The following IGSF10 variants were observed in gnomAD, a reference collection of about 807,000 sequenced individuals.
The protein encoded by IGSF10 is immunoglobulin superfamily member 10.
A neutral mutation model predicts 128.2 loss-of-function variants in IGSF10; 126 were observed. That is an observed-to-expected ratio of 0.98 (90% CI 0.85 to 1.14). The LOEUF is 1.14. IGSF10 is among the 50% of genes most tolerant of loss of function. IGSF10 has a pLI of 0.00. For synonymous variants in IGSF10, 1,185 were observed against 1,146.2 expected (o/e 1.03, Z -0.68); for missense variants, 3,295 against 3,149.8 (o/e 1.05, Z -1.10).
chr3:151,560,684 A>G, the IGSF10 span, among the ~76,000 whole-genome samples: 3,887 of 140,668 alleles, frequency 0.028, 103 homozygotes, highest in East Asian at 0.14. Flanking sequence ...GATCTATAAC[A>G]AATTATGCAT....
At chr3:151,451,149 G>A (rs578216856) in intron 5 of IGSF10, among the ~76,000 whole-genome samples, 9 of 152,060 alleles carry the variant, frequency 5.9e-5, no homozygotes, top group Non-Finnish European at 8.8e-5. Flanking sequence ...CCATTCCCTC[G>A]GTTCCAGCCC....
At chr3:151,484,723 A>G in the IGSF10 span, among the ~76,000 whole-genome samples, 1 of 93,024 alleles carries the variant, frequency 1.1e-5, no homozygotes, top group East Asian at 3.5e-4. Context: ...TTAGAAGGAA[A>G]ACTGACAAAA....
intron 5 of IGSF10, among the ~76,000 whole-genome samples, chr3:151,450,532 A>C (rs911827608): frequency 1.3e-5 from 2 of 152,162 alleles, no homozygotes; most frequent in Admixed American, 6.5e-5. Flanking sequence ...GGCATTCTTC[A>C]GCAAATTTTA....
chr3:151,445,112 C>T lies in IGSF10; in HGVS notation c.4869G>A (p.Lys1623=), dbSNP rs1195825498. 1 of 1,614,136 alleles carries T rather than the reference C, an allele frequency of 6.2e-7. No homozygotes were observed. The change falls in exon 6 of 8, where the codon AAG becomes AAA. Residue 1623 remains lysine (K), a synonymous_variant. Coordinates refer to ENST00000282466, the MANE Select transcript of IGSF10 (RefSeq NM_178822.5). ...AAGTTGTTGCTTCTTGAACTGGTTT[C>T]TTATCAAAGTCACTCTTCTTTGTGT... ...QKNTKKSDFD[K]KPVQEATTSK... is the part of the protein sequence containing the mutation.
the IGSF10 span, among the ~76,000 whole-genome samples, chr3:151,472,847 A>C: frequency 3.3e-5 from 5 of 152,194 alleles, no homozygotes; most frequent in African/African-American, 9.7e-5. Flanking sequence ...AAACAATATC[A>C]GAGGAAGACT....
At chr3:151,465,215 C>A (rs981130948), upstream of IGSF10, among the ~76,000 whole-genome samples, 2 of 152,190 alleles carry the variant, frequency 1.3e-5, no homozygotes, top group African/African-American at 4.8e-5. Flanking sequence ...ATGAATCTCA[C>A]ATTTTTGTTA....
At chr3:151,439,147 C>G (rs1481548783) in intron 7 of IGSF10, among the ~76,000 whole-genome samples, 1 of 152,130 alleles carries the variant, frequency 6.6e-6, no homozygotes, top group African/African-American at 2.4e-5. Flanking sequence ...TATGGGAGTT[C>G]TAGACACCAT....
the IGSF10 span, among the ~76,000 whole-genome samples, chr3:151,537,850 G>A: frequency 1.3e-5 from 2 of 152,172 alleles, no homozygotes; most frequent in African/African-American, 2.4e-5. Flanking sequence ...AACCTCTCCT[G>A]TTTTCCATGG....
chr3:151,578,409 T>G, the IGSF10 span, among the ~76,000 whole-genome samples: 66 of 152,332 alleles, frequency 4.3e-4, 1 homozygote, highest in East Asian at 0.012. Context: ...TGTCATAAGT[T>G]TTCACTGAAA....
rs372867906 is a variant in IGSF10 at position 151,448,402 on chromosome 3, G to A, written c.1579C>T (p.Arg527Trp). ...TTTCCACTTTTGTCTATTAGGATCC[G>A]TCCATCCTCACTGACATAAGGGGCT... ...VRAPYVSEDGRILIDKSGKLE... is the reference protein window; with the variant it reads ...VRAPYVSEDGWILIDKSGKLE... The change falls in exon 6 of 8, where the codon CGG (arginine) becomes TGG (tryptophan). Residue 527 changes from arginine (R) to tryptophan (W), a missense_variant. Coordinates refer to ENST00000282466, the MANE Select transcript of IGSF10 (RefSeq NM_178822.5). 70 of 1,614,018 alleles carry A rather than the reference G, an allele frequency of 4.3e-5. No homozygotes were observed. Among genetic ancestry groups the A allele is most frequent in the East Asian group, 8.9e-5 (4 of 44,896 alleles).
intron 4 of IGSF10, among the ~76,000 whole-genome samples, chr3:151,453,996 T>C (rs1047688501): frequency 9.4e-5 from 14 of 148,714 alleles, no homozygotes; most frequent in Non-Finnish European, 2.1e-4. Flanking sequence ...GAATGAGATA[T>C]ATATATTTCT....
chr3:151,587,736 G>T, the IGSF10 span, among the ~76,000 whole-genome samples: 3 of 152,208 alleles, frequency 2.0e-5, no homozygotes, highest in Non-Finnish European at 4.4e-5. Context: ...CCAGTGGGAG[G>T]TGATTGAATT....
chr3:151,434,894 CTT>C (rs1173031527), downstream of IGSF10: 1 of 152,038 alleles, frequency 6.6e-6, no homozygotes, highest in Non-Finnish European at 1.5e-5. Flanking sequence ...TGGGGCATAT[CTT>C]TTTTCTTTTT....
intron 7 of IGSF10, among the ~76,000 whole-genome samples, chr3:151,442,022 C>G (rs980891571): frequency 2.0e-5 from 3 of 152,236 alleles, no homozygotes; most frequent in Non-Finnish European, 4.4e-5. Context: ...GATCCTGCCA[C>G]TGCACTCCAG....
the IGSF10 span, among the ~76,000 whole-genome samples, chr3:151,573,636 C>T: frequency 5.3e-5 from 8 of 152,112 alleles, no homozygotes; most frequent in African/African-American, 9.7e-5. Flanking sequence ...GCACATGAGA[C>T]GGGTCTCCTG....
At chr3:151,562,543 A>G in the IGSF10 span, among the ~76,000 whole-genome samples, 1 of 152,250 alleles carries the variant, frequency 6.6e-6, no homozygotes, top group East Asian at 1.9e-4. Flanking sequence ...ACTCTAGTAT[A>G]AAGATGACAC....
At chr3:151,456,871 A>G (rs1721820854) in intron 4 of IGSF10, among the ~76,000 whole-genome samples, 155 bp downstream of exon 4, 1 of 152,198 alleles carries the variant, frequency 6.6e-6, no homozygotes, top group African/African-American at 2.4e-5. Context: ...ACACAGTTCC[A>G]CAGTTAAAAA....
chr3:151,578,910 C>T, the IGSF10 span, among the ~76,000 whole-genome samples: 1 of 152,096 alleles, frequency 6.6e-6, no homozygotes, highest in South Asian at 2.1e-4. Context: ...AGGTCTTGAC[C>T]AAGACTGAGG....
Position 151,445,250 on chromosome 3 carries a change from G to A in IGSF10, c.4731C>T (p.His1577=). ...TTTCAGCAATTTCTGAGTATGGTTT[G>A]TGCCAAAATTGGTTTTCTGCCCAGG... ...PSPWAENQFW[H]KPYSEIAEKG... The change falls in exon 6 of 8, where the codon CAC becomes CAT. Residue 1577 remains histidine, a synonymous_variant. Transcript: ENST00000282466. 3 of 1,614,200 alleles carry A rather than the reference G, an allele frequency of 1.9e-6. No individual in the cohort carries two copies. The highest frequency in any genetic ancestry group is 2.2e-5 in the South Asian group (2 of 91,080).
Sources: allele counts gnomAD v4.1 joint callset (sites outside exome capture counted in the v4.1 genomes callset), GRCh38; gene constraint gnomAD v4.1.1; transcripts MANE v1.5; gene names NCBI Gene and HGNC (gene_info 2026-07-23, HGNC 2026-07-21).